Variants in GSG1L observed in about 807,000 individuals in gnomAD.
GSG1L encodes GSG1 like.
Under a neutral mutation model 42.1 loss-of-function variants are expected in GSG1L, and 24 were observed. The observed-to-expected ratio is 0.57, with a 90% confidence interval of 0.41 to 0.80. GSG1L has a LOEUF of 0.80. Ranked by LOEUF, GSG1L falls within the 30% of genes least tolerant of loss-of-function variation. The pLI is 0.00. For missense variants in GSG1L, 445 were observed against 472.2 expected (o/e 0.94, Z 0.53); for synonymous variants, 215 against 203.5 (o/e 1.06, Z -0.48).
At chr16:27,890,325 A>G (rs1424516937) in intron 2 of GSG1L, among the ~76,000 whole-genome samples, 17 of 152,108 alleles carry the variant, frequency 1.1e-4, no homozygotes, top group Admixed American at 1.1e-3. Context: ...GGCAATCTGG[A>G]GGATTCTTGG....
intron 1 of GSG1L, among the ~76,000 whole-genome samples, chr16:28,035,154 G>A (rs1332724969): frequency 6.6e-6 from 1 of 151,988 alleles, no homozygotes; most frequent in Admixed American, 6.6e-5. Flanking sequence ...CTATGGCCAC[G>A]CACCAGCAAA....
intron 1 of GSG1L, among the ~76,000 whole-genome samples, chr16:27,993,351 T>C (rs989046591): frequency 3.3e-5 from 5 of 152,186 alleles, no homozygotes; most frequent in African/African-American, 1.2e-4. Flanking sequence ...AGTTTCACCA[T>C]GTTGCCCAGG....
intron 2 of GSG1L, among the ~76,000 whole-genome samples, chr16:27,927,071 A>T (rs1018233748): frequency 9.9e-5 from 15 of 152,084 alleles, no homozygotes; most frequent in African/African-American, 3.4e-4. Context: ...GCCTCCTGAC[A>T]GGTCTCCCAT....
intron 6 of GSG1L, among the ~76,000 whole-genome samples, chr16:27,799,388 T>TA: frequency 6.6e-6 from 1 of 151,512 alleles, no homozygotes; most frequent in South Asian, 2.1e-4. Flanking sequence ...ATTGGAAACA[T>TA]AAAAAAAATT....
chr16:27,892,945 T>A (rs1179358651), intron 2 of GSG1L, among the ~76,000 whole-genome samples: 1 of 152,158 alleles, frequency 6.6e-6, no homozygotes, highest in Non-Finnish European at 1.5e-5. Context: ...GAACACTCAC[T>A]TTTCTTCTTA....
At chr16:27,979,873 G>A (rs113268664) in intron 1 of GSG1L, among the ~76,000 whole-genome samples, 12 of 151,294 alleles carry the variant, frequency 7.9e-5, no homozygotes. Flanking sequence ...AGAAAGAAAG[G>A]AAAGAAAGAA....
chr16:27,876,614 T>G (rs1007350063), intron 3 of GSG1L, among the ~76,000 whole-genome samples: 2 of 152,188 alleles, frequency 1.3e-5, no homozygotes, highest in Non-Finnish European at 2.9e-5. Context: ...CCAGGGGAGT[T>G]GCACTGTGCC....
intron 6 of GSG1L, among the ~76,000 whole-genome samples, chr16:27,797,921 T>C (rs1336051257): frequency 6.7e-6 from 1 of 150,034 alleles, no homozygotes; most frequent in African/African-American, 2.5e-5. Flanking sequence ...GTGAAATAAC[T>C]CAGAAACAAA....
At chr16:27,851,923 C>T (rs1224994360) in intron 3 of GSG1L, among the ~76,000 whole-genome samples, 2 of 152,192 alleles carry the variant, frequency 1.3e-5, no homozygotes, top group Non-Finnish European at 2.9e-5. Flanking sequence ...TGACCCCTCC[C>T]AAGGGGTCTC....
chr16:27,936,618 A>T (rs1322738443), intron 2 of GSG1L, among the ~76,000 whole-genome samples: 1 of 152,160 alleles, frequency 6.6e-6, no homozygotes, highest in East Asian at 1.9e-4. Context: ...ATTCATTGCA[A>T]ATTACCCAGA....
chr16:27,978,935 A>G (rs971277301), intron 1 of GSG1L, among the ~76,000 whole-genome samples: 1 of 152,194 alleles, frequency 6.6e-6, no homozygotes, highest in Admixed American at 6.6e-5. Context: ...CAAAGGAATC[A>G]GCTCCATGTT....
chr16:27,934,719 G>A (rs764325530), intron 2 of GSG1L, among the ~76,000 whole-genome samples: 7 of 152,096 alleles, frequency 4.6e-5, no homozygotes, highest in South Asian at 2.1e-4. Context: ...GTCATTTCGC[G>A]GTTGTGCGAG....
intron 3 of GSG1L, among the ~76,000 whole-genome samples, chr16:27,870,366 T>C (rs923960704): frequency 8.7e-5 from 13 of 149,740 alleles, no homozygotes; most frequent in Middle Eastern, 6.8e-3. Flanking sequence ...CTCTGTCTCG[T>C]CCATCACTCT....
At chr16:27,799,965 A>G (rs1202041928) in intron 6 of GSG1L, among the ~76,000 whole-genome samples, 1 of 152,132 alleles carries the variant, frequency 6.6e-6, no homozygotes, top group Non-Finnish European at 1.5e-5. Context: ...ATCGTGGAGA[A>G]CTTAGAGCTG....
intron 2 of GSG1L, among the ~76,000 whole-genome samples, chr16:27,937,843 G>C (rs985495813): frequency 6.6e-6 from 1 of 152,124 alleles, no homozygotes; most frequent in African/African-American, 2.4e-5. Context: ...ACATGAGATG[G>C]GGACTCCCTC....
At chr16:28,004,872 G>A (rs1393130194) in intron 1 of GSG1L, among the ~76,000 whole-genome samples, 1 of 152,074 alleles carries the variant, frequency 6.6e-6, no homozygotes, top group Non-Finnish European at 1.5e-5. Flanking sequence ...GGAGACAGAC[G>A]TGACAACAAA....
chr16:27,850,230 T>C (rs1431488777), intron 3 of GSG1L, among the ~76,000 whole-genome samples: 3 of 151,506 alleles, frequency 2.0e-5, no homozygotes, highest in Non-Finnish European at 4.4e-5. Flanking sequence ...GGTTTCACCA[T>C]GTTAGTCAGG....
In GSG1L at chr16:27,991,692, A is replaced by C. The variant is rs147778554; in HGVS notation, c.350-28489T>G. ...AGTGCTGGGATTACAGGCATGAGCC[A>C]CCGTGCCTGGCCCATATTTCTACTA... is the stretch of plus-strand genomic sequence containing the variant. On this transcript the variant is annotated intron_variant, in intron 1 of 6. Coordinates refer to ENST00000447459, the MANE Select transcript of GSG1L (RefSeq NM_001109763.2). Among the ~76,000 whole-genome samples the C allele has an allele frequency of 9.8e-5, 15 of 152,288 alleles. No individual in the cohort carries two copies. The East Asian group carries it at 2.9e-3, about 29-fold the overall frequency.
chr16:27,998,215 C>G (rs1461765071), intron 1 of GSG1L: 2 of 152,188 alleles, frequency 1.3e-5, no homozygotes, highest in African/African-American at 4.8e-5. Context: ...TTTGCATACC[C>G]ATAATTTAGC....
Sources: gnomAD v4.1 joint callset for allele counts (sites outside exome capture counted in the v4.1 genomes callset) on GRCh38, gnomAD v4.1.1 for gene constraint, MANE v1.5 for transcripts, NCBI Gene and HGNC (gene_info 2026-07-23, HGNC 2026-07-21) for gene names.